The following PIEZO2 variants were observed in gnomAD, a reference collection of about 807,000 sequenced individuals.
PIEZO2 encodes piezo-type mechanosensitive ion channel component 2.
A neutral mutation model predicts 337.3 loss-of-function variants in PIEZO2; 172 were observed. That is an observed-to-expected ratio of 0.51 (90% CI 0.45 to 0.58). PIEZO2 has a LOEUF of 0.58. Among genes scored for constraint, PIEZO2 ranks in the 20% least tolerant of loss-of-function variants. The probability of loss-of-function intolerance (pLI) is 0.00; values close to 1 mark genes in which losing one functional copy is unlikely to be tolerated. For synonymous variants in PIEZO2, 1,251 were observed against 1,228.5 expected (o/e 1.02, Z -0.38); for missense variants, 3,028 against 3,391.3 (o/e 0.89, Z 2.66).
At chr18:10,699,235 TTC>T in intron 43 of PIEZO2, 58 bp from the exon 44 acceptor site, 1 of 1,527,308 alleles carries the variant, frequency 6.5e-7, no homozygotes, top group East Asian at 2.5e-5. Context: ...ACCCTTGGTA[TTC>T]TGTCTTACAA....
chr18:10,789,373 T>A lies in PIEZO2; in HGVS notation c.1883-8A>T, dbSNP rs953533034. 54 of 1,532,008 alleles carry A rather than the reference T, an allele frequency of 3.5e-5. No homozygotes were observed. In the African/African-American group the frequency reaches 6.6e-4, roughly 19 times the overall value. 94.9% of individuals were successfully genotyped at this position (1,532,008 alleles called of 1,614,324 possible). A position where few individuals can be genotyped will look rare whatever the true frequency, so the allele number is the denominator to read the frequency against. On this transcript the variant is annotated splice_region_variant and splice_polypyrimidine_tract_variant and intron_variant, in intron 14 of 55. Coordinates refer to ENST00000674853, the MANE Select transcript of PIEZO2 (RefSeq NM_001378183.1). ...TATCTTGAAGTTCCTCATCTTCAAATAGAAAACTGTGCTGTTATACTTAGC... is the reference window on the plus strand; with the variant it reads ...TATCTTGAAGTTCCTCATCTTCAAAAAGAAAACTGTGCTGTTATACTTAGC...
intron 1 of PIEZO2, among the ~76,000 whole-genome samples, chr18:11,100,554 G>T (rs1270789608): frequency 6.6e-6 from 1 of 152,090 alleles, no homozygotes; most frequent in African/African-American, 2.4e-5. Context: ...TCTCTCTCAT[G>T]ATGCTCCATT....
chr18:11,050,555 ACACG>A (rs1056010422), intron 2 of PIEZO2, among the ~76,000 whole-genome samples: 7 of 143,064 alleles, frequency 4.9e-5, no homozygotes, highest in Admixed American at 2.2e-4. Context: ...ACACACACAC[ACACG>A]ATTACTTACA....
At chr18:10,900,478 G>C (rs898493691) in intron 4 of PIEZO2, among the ~76,000 whole-genome samples, 4 of 152,198 alleles carry the variant, frequency 2.6e-5, no homozygotes, top group African/African-American at 9.6e-5. Flanking sequence ...ACTATCTTAT[G>C]ATGAAATGCA....
chr18:10,944,888 A>C, intron 3 of PIEZO2, among the ~76,000 whole-genome samples: 1 of 152,022 alleles, frequency 6.6e-6, no homozygotes, highest in Non-Finnish European at 1.5e-5. Flanking sequence ...CTAAGGGGGG[A>C]GAAAAAGAAG....
chr18:10,886,027 C>G (rs1014881793), intron 4 of PIEZO2, among the ~76,000 whole-genome samples: 1 of 151,668 alleles, frequency 6.6e-6, no homozygotes, highest in African/African-American at 2.4e-5. Context: ...GAAAACCTCA[C>G]GCAAAAGAGA....
At chr18:10,730,018 G>T (rs567924486) in intron 36 of PIEZO2, among the ~76,000 whole-genome samples, 154 of 152,226 alleles carry the variant, frequency 1.0e-3, no homozygotes, top group Admixed American at 2.6e-3. Context: ...AGGATGTTTC[G>T]AAATTTTTTG....
rs1190180325 is a variant in PIEZO2 at position 10,746,247 on chromosome 18, T to C, written c.4425-2016A>G. Among the ~76,000 whole-genome samples the C allele has an allele frequency of 1.3e-5, 2 of 152,232 alleles. No homozygotes were observed. The highest frequency in any genetic ancestry group is 2.9e-5 in the Non-Finnish European group (2 of 68,034). On this transcript the variant is annotated intron_variant, in intron 30 of 55. Transcript: ENST00000674853. This position sits in a 1 kb window ranked among gnomAD's most constrained non-coding sequence, Gnocchi z 4.2. ...AAACACTGCAAGGCCTTCCTAAGAC[T>C]GTGGGAGTATTTCTAAAGACATATC...
chr18:10,923,827 C>A (rs2031565705), intron 3 of PIEZO2, among the ~76,000 whole-genome samples: 1 of 152,044 alleles, frequency 6.6e-6, no homozygotes, highest in Non-Finnish European at 1.5e-5. Flanking sequence ...ATTAATTTGG[C>A]CTTGAATCCC....
At position 10,726,327 on chromosome 18, in the gene PIEZO2, A is replaced by C; in HGVS notation, c.5029+5080T>G. The C allele has an allele frequency of 7.1e-7, 1 of 1,409,788 alleles. No individual in the cohort carries two copies. The highest frequency in any genetic ancestry group is 1.3e-5 in the South Asian group (1 of 74,186). The allele number at this position is 1,409,788 out of a possible 1,614,324, so 87.3% of individuals were successfully genotyped here. A position where few individuals can be genotyped will look rare whatever the true frequency, so the allele number is the denominator to read the frequency against. On this transcript the variant is annotated intron_variant, in intron 36 of 55. Transcript: ENST00000674853. This position sits in a 1 kb window ranked among gnomAD's most constrained non-coding sequence, Gnocchi z 5.9. ...CCAGGTGGAGCAGGTGGGTCCCCGAACGCCCCGCCCAGCGCTGCCTCCCTT... is the reference window on the plus strand; with the variant it reads ...CCAGGTGGAGCAGGTGGGTCCCCGACCGCCCCGCCCAGCGCTGCCTCCCTT...
Position 10,894,465 on chromosome 18 carries a change from A to C in PIEZO2, c.329+16721T>G, listed in dbSNP as rs2042841630. ...GCAAAACTCCGTCCCAAAAAAAGAA[A>C]AAAAAGGCAAAATAGCAGAGTATGA... On this transcript the variant is annotated intron_variant, in intron 4 of 55. Coordinates refer to ENST00000674853, the MANE Select transcript of PIEZO2 (RefSeq NM_001378183.1). The surrounding 1 kb of genome is among the most constrained non-coding windows in gnomAD (Gnocchi z 4.1). 6.6e-6 allele frequency: 1 copy of C among 152,222 alleles called. No individual in the cohort carries two copies. Among genetic ancestry groups the C allele is most frequent in the Non-Finnish European group, 1.5e-5 (1 of 68,070 alleles). 9.4% of individuals were successfully genotyped at this position (152,222 alleles called of 1,614,324 possible).
chr18:11,090,578 C>G (rs2039045888), intron 1 of PIEZO2, among the ~76,000 whole-genome samples: 1 of 152,122 alleles, frequency 6.6e-6, no homozygotes, highest in Non-Finnish European at 1.5e-5. Flanking sequence ...GGGCAAACTG[C>G]CCAGTAAGCT....
intron 4 of PIEZO2, among the ~76,000 whole-genome samples, chr18:10,874,816 G>A (rs1327187406): frequency 1.3e-5 from 2 of 152,108 alleles, no homozygotes; most frequent in Non-Finnish European, 2.9e-5. Context: ...TGAGAAGGAT[G>A]GCAGGAAGGG....
rs2145536279 is a variant in PIEZO2, at chr18:10,988,277, A to C, written c.161-8617T>G. Among the ~76,000 whole-genome samples the C allele has an allele frequency of 6.6e-6, 1 of 152,326 alleles. No homozygotes were observed. The highest frequency in any genetic ancestry group is 1.9e-4 in the East Asian group (1 of 5,188). On this transcript the variant is annotated intron_variant, in intron 2 of 55. Coordinates refer to ENST00000674853, the MANE Select transcript of PIEZO2 (RefSeq NM_001378183.1). This position sits in a 1 kb window ranked among gnomAD's most constrained non-coding sequence, Gnocchi z 4.8. ...AGGGTCTCACCAGACACCAAAGCTGAAGGCATGCTGATTTTGGACTTCCCA... is the reference window on the plus strand; with the variant it reads ...AGGGTCTCACCAGACACCAAAGCTGCAGGCATGCTGATTTTGGACTTCCCA...
Position 10,757,985 on chromosome 18 carries a change from C to T in PIEZO2, c.3907G>A (p.Asp1303Asn). 1 of 1,535,556 alleles carries T rather than the reference C, an allele frequency of 6.5e-7. No individual in the cohort carries two copies. Reference protein sequence around the residue: ...ASFSQHNPVPDFIHCRSYLDM... With the variant: ...ASFSQHNPVPNFIHCRSYLDM... ...TCTTGTTACCTGCAGTGAATAAAAT[C>T]TGGCACAGGGTTATGTTGGCTGAAG... The change falls in exon 27 of 56, where the codon GAT (aspartate) becomes AAT (asparagine). Residue 1303 changes from aspartate (D) to asparagine (N), a missense_variant. This residue lies in a region of PIEZO2 where 1,925 missense variants were observed against 2,051.9 expected (regional missense o/e 0.94). Coordinates refer to ENST00000674853, the MANE Select transcript of PIEZO2 (RefSeq NM_001378183.1).
At chr18:11,122,995 C>T (rs971865943) in intron 1 of PIEZO2, among the ~76,000 whole-genome samples, 6 of 92,588 alleles carry the variant, frequency 6.5e-5, no homozygotes, top group East Asian at 3.2e-4. Context: ...ATATAATGTG[C>T]GGCTTTTTCC....
intron 40 of PIEZO2, among the ~76,000 whole-genome samples, chr18:10,706,519 C>T (rs1382972734): frequency 6.6e-6 from 1 of 152,202 alleles, no homozygotes; most frequent in Non-Finnish European, 1.5e-5. Context: ...CTTCTGTTCT[C>T]TCCTACCAAC....
intron 1 of PIEZO2, among the ~76,000 whole-genome samples, chr18:11,068,415 C>T (rs1056662749): frequency 1.1e-4 from 16 of 151,970 alleles, no homozygotes; most frequent in Admixed American, 2.6e-4. Flanking sequence ...TTAAACAACA[C>T]GCTCCTAAAC....
rs373337905 is a variant in PIEZO2 at position 10,802,368 on chromosome 18, T to C, written c.1201-940A>G. Reference sequence around the variant, plus strand: ...AATTTATGTGGGTTCTATCTATCAATTATCTACCATACGAGAAATTAGACC... The same window carrying C: ...AATTTATGTGGGTTCTATCTATCAACTATCTACCATACGAGAAATTAGACC... On this transcript the variant is annotated intron_variant, in intron 9 of 55. Transcript: ENST00000674853. Among the ~76,000 whole-genome samples, 52 of 152,282 alleles carry C rather than the reference T, an allele frequency of 3.4e-4. No homozygotes were observed. The East Asian group carries it at 7.9e-3, about 23-fold the overall frequency.
Sources: allele counts gnomAD v4.1 joint callset (sites outside exome capture counted in the v4.1 genomes callset), GRCh38; gene constraint gnomAD v4.1.1; regional missense constraint gnomAD v4.1.1; non-coding constraint Gnocchi (gnomAD v3.1); transcripts MANE v1.5; gene names NCBI Gene and HGNC (gene_info 2026-07-23, HGNC 2026-07-21).